ACTR3: variants seen among roughly 807,000 people sequenced by gnomAD.
ACTR3 encodes the protein actin-related protein 3.
ACTR3 carries 12 observed loss-of-function variants against 56.8 expected under a neutral mutation model. The observed-to-expected ratio is 0.21, with a 90% CI of 0.14 to 0.34. The LOEUF (loss-of-function observed/expected upper bound fraction) is 0.34, where lower values mean the gene tolerates loss of function less well. Among genes scored for constraint, ACTR3 ranks in the 10% least tolerant of loss-of-function variants. ACTR3 has a pLI of 1.00. For missense variants in ACTR3, 282 were observed against 512.5 expected (o/e 0.55, Z 4.34); for synonymous variants, 162 against 167.4 (o/e 0.97, Z 0.25).
intron 1 of ACTR3, chr2:113,890,571 C>T (rs1678868441): frequency 8.8e-6 from 12 of 1,367,764 alleles, no homozygotes; most frequent in Non-Finnish European, 1.1e-5. Flanking sequence ...CGGCTTTCTC[C>T]GCGCGACCCC....
chr2:113,917,518 A>C (rs998432162), intron 3 of ACTR3, among the ~76,000 whole-genome samples: 1 of 152,148 alleles, frequency 6.6e-6, no homozygotes, highest in African/African-American at 2.4e-5. Context: ...ATAACAGGTA[A>C]AGAAACAGAA....
At chr2:113,943,160 G>A (rs547307141) in intron 8 of ACTR3, among the ~76,000 whole-genome samples, 2 of 152,310 alleles carry the variant, frequency 1.3e-5, no homozygotes, top group South Asian at 4.1e-4. Context: ...ATCTGCTGAG[G>A]GCACAGGAAC....
At chr2:113,906,668 T>G (rs371005394) in intron 1 of ACTR3, among the ~76,000 whole-genome samples, 4 of 152,330 alleles carry the variant, frequency 2.6e-5, no homozygotes, top group African/African-American at 9.6e-5. Flanking sequence ...AAGGTACAAC[T>G]TCATTCTTTT....
chr2:113,961,312 A>C lies in ACTR3; in HGVS notation c.*3857A>C, dbSNP rs762653978. On this transcript the variant is annotated 3_prime_UTR_variant, in exon 12 of 12. Coordinates refer to ENST00000263238, the MANE Select transcript of ACTR3 (RefSeq NM_005721.5). ...TGGAGCTTGGGTGCTGAAATTAAAT[A>C]TAACCTATTTGAGTTAAGGATTTAT... The C allele has an allele frequency of 1.3e-5, 2 of 151,986 alleles. No individual in the cohort carries two copies. Among genetic ancestry groups the C allele is most frequent in the Non-Finnish European group, 2.9e-5 (2 of 67,908 alleles). 9.4% of individuals were successfully genotyped at this position (151,986 alleles called of 1,614,324 possible). A position where few individuals can be genotyped will look rare whatever the true frequency, so the allele number is the denominator to read the frequency against.
chr2:113,891,445 CAT>C (rs1678892936), intron 1 of ACTR3, among the ~76,000 whole-genome samples: 1 of 151,756 alleles, frequency 6.6e-6, no homozygotes, highest in Non-Finnish European at 1.5e-5. Flanking sequence ...GTACCACACT[CAT>C]AACTGCATAG....
chr2:113,914,540 G>A (rs905320669), intron 2 of ACTR3, among the ~76,000 whole-genome samples: 13 of 151,126 alleles, frequency 8.6e-5, no homozygotes, highest in Middle Eastern at 3.2e-3. Flanking sequence ...GAACCCGGGA[G>A]GTGGAGGTTG....
chr2:113,951,923 C>T (rs1302194965), intron 10 of ACTR3, 78 bp downstream of exon 10: 3 of 1,568,708 alleles, frequency 1.9e-6, no homozygotes, highest in East Asian at 2.2e-5. Flanking sequence ...CCAGCATTCA[C>T]TCTGATTTAG....
chr2:113,914,783 T>C (rs1472096917), intron 2 of ACTR3, among the ~76,000 whole-genome samples: 1 of 152,230 alleles, frequency 6.6e-6, no homozygotes, highest in Non-Finnish European at 1.5e-5. Flanking sequence ...GAATCAATTA[T>C]GTAAGAACTT....
chr2:113,917,162 G>A (rs1289161781), intron 3 of ACTR3, among the ~76,000 whole-genome samples, 154 bp downstream of exon 3: 1 of 151,276 alleles, frequency 6.6e-6, no homozygotes, highest in Non-Finnish European at 1.5e-5. Flanking sequence ...CTTCCCTGTT[G>A]CTTTAACTTT....
At chr2:113,905,458 C>G (rs933918648) in intron 1 of ACTR3, among the ~76,000 whole-genome samples, 3 of 149,616 alleles carry the variant, frequency 2.0e-5, no homozygotes, top group African/African-American at 7.5e-5. Context: ...GAACAAGACT[C>G]CGTCTCAAAA....
chr2:113,924,037 T>C (rs182866278), intron 3 of ACTR3, among the ~76,000 whole-genome samples: 1 of 151,202 alleles, frequency 6.6e-6, no homozygotes, highest in Non-Finnish European at 1.5e-5. Context: ...CCTGTTGGCA[T>C]CTTCTGACTT....
rs11884798 is a variant in ACTR3, at chr2:113,897,518, A to T, written c.44+7195A>T. On this transcript the variant is annotated intron_variant, in intron 1 of 11. Coordinates refer to ENST00000263238, the MANE Select transcript of ACTR3 (RefSeq NM_005721.5). ...GCTTGAATTTGTGTGGCCAGATGTT[A>T]TTTTTTTTTTTTTTTTTTTTTTTTT... is the stretch of plus-strand genomic sequence containing the variant. Among the ~76,000 whole-genome samples the T allele has an allele frequency of 6.8e-4, 67 of 98,846 alleles. 2 individuals are homozygous for T. The highest frequency in any genetic ancestry group is 7.7e-4 in the Non-Finnish European group (34 of 44,142). 64.8% of individuals were successfully genotyped at this position (98,846 alleles called of 152,430 possible). A position where few individuals can be genotyped will look rare whatever the true frequency, so the allele number is the denominator to read the frequency against.
intron 8 of ACTR3, among the ~76,000 whole-genome samples, chr2:113,946,657 C>T (rs1462220976): frequency 6.6e-6 from 1 of 152,118 alleles, no homozygotes; most frequent in East Asian, 1.9e-4. Context: ...TGTAGGTTGT[C>T]TGTTTACTCT....
intron 1 of ACTR3, chr2:113,890,745 C>T: frequency 9.5e-7 from 1 of 1,051,600 alleles, no homozygotes; most frequent in Non-Finnish European, 1.1e-6. Context: ...GGGGACTGGC[C>T]TGGCAGGGGA....
intron 1 of ACTR3, among the ~76,000 whole-genome samples, chr2:113,911,300 T>TC (rs1679301877): frequency 6.6e-6 from 1 of 151,964 alleles, no homozygotes; most frequent in African/African-American, 2.4e-5. Flanking sequence ...TTTCGTTTTT[T>TC]TTTTTTAAAA....
intron 1 of ACTR3, among the ~76,000 whole-genome samples, chr2:113,897,177 T>C (rs927441283): frequency 6.6e-6 from 1 of 152,196 alleles, no homozygotes; most frequent in African/African-American, 2.4e-5. Context: ...ACACGACATT[T>C]ATGAATTATT....
intron 1 of ACTR3, among the ~76,000 whole-genome samples, chr2:113,896,836 A>T (rs1034815107): frequency 1.3e-5 from 2 of 152,210 alleles, no homozygotes; most frequent in Non-Finnish European, 2.9e-5. Flanking sequence ...TCAATTTTCT[A>T]AGAGGCAAAA....
intron 7 of ACTR3, among the ~76,000 whole-genome samples, chr2:113,941,938 C>A (rs529689062): frequency 5.3e-5 from 8 of 152,108 alleles, no homozygotes; most frequent in Non-Finnish European, 5.9e-5. Context: ...TAGTAGAAGT[C>A]AGCTCTCCAG....
chr2:113,919,803 G>A (rs935344352), intron 3 of ACTR3, among the ~76,000 whole-genome samples: 22 of 132,136 alleles, frequency 1.7e-4, no homozygotes, highest in African/African-American at 8.6e-4. Context: ...GCAGTGCAGT[G>A]GCACAATCAC....
Sources: allele counts gnomAD v4.1 joint callset (sites outside exome capture counted in the v4.1 genomes callset), GRCh38; gene constraint gnomAD v4.1.1; transcripts MANE v1.5; gene names NCBI Gene and HGNC (gene_info 2026-07-23, HGNC 2026-07-21).